Variants in ADCY10 observed in about 807,000 individuals in gnomAD.
ADCY10 encodes adenylate cyclase type 10.
ADCY10 carries 156 observed loss-of-function variants against 183.3 expected under a neutral mutation model. That is an observed-to-expected ratio of 0.85 (90% confidence interval 0.75 to 0.97). The LOEUF is 0.97. Among genes scored for constraint, ADCY10 ranks in the 50% least tolerant of loss-of-function variants. ADCY10 has a pLI of 0.00. For synonymous variants in ADCY10, 645 were observed against 670.0 expected (o/e 0.96, Z 0.58); for missense variants, 1,745 against 1,934.3 (o/e 0.90, Z 1.84).
At chr1:167,851,658 T>C (rs1475503305) in intron 18 of ADCY10, among the ~76,000 whole-genome samples, 1 of 151,764 alleles carries the variant, frequency 6.6e-6, no homozygotes, top group Non-Finnish European at 1.5e-5. Context: ...CCGTCTCTAC[T>C]AAAAATGCAA....
intron 8 of ADCY10, among the ~76,000 whole-genome samples, chr1:167,892,389 T>A (rs971622044): frequency 2.6e-5 from 4 of 152,200 alleles, no homozygotes; most frequent in African/African-American, 9.7e-5. Context: ...GGGTTCAGGG[T>A]CTGGTTTTGG....
chr1:167,866,530 CAA>C (rs57450280), intron 14 of ADCY10, among the ~76,000 whole-genome samples: 8 of 110,770 alleles, frequency 7.2e-5, no homozygotes, highest in South Asian at 2.9e-4. Flanking sequence ...CTCTATGTGC[CAA>C]AAAAAAAAAA....
rs1662631933 is a variant in ADCY10 at position 167,818,015 on chromosome 1, TAGAC to T, written c.4482+53_4482+56del. 58 of 1,502,490 alleles carry T rather than the reference TAGAC, an allele frequency of 3.9e-5. 2 individuals are homozygous for T. The South Asian group carries it at 6.4e-4, about 16-fold the overall frequency. 93.1% of individuals were successfully genotyped at this position (1,502,490 alleles called of 1,614,324 possible). A position where few individuals can be genotyped will look rare whatever the true frequency, so the allele number is the denominator to read the frequency against. On this transcript the variant is annotated intron_variant, in intron 31 of 32. Transcript: ENST00000367851. Reference sequence around the variant, plus strand: ...ATGAGAAAATAATTAGCACAGGAAGTAGACAGAGATCCATTTAAGGCATATTTTA... The same window carrying T: ...ATGAGAAAATAATTAGCACAGGAAGTAGAGATCCATTTAAGGCATATTTTA...
intron 9 of ADCY10, among the ~76,000 whole-genome samples, chr1:167,881,808 C>G (rs773346453): frequency 6.6e-6 from 1 of 152,162 alleles, no homozygotes; most frequent in African/African-American, 2.4e-5. Flanking sequence ...CTGCAAGACA[C>G]GAAAGACTGT....
At chr1:167,900,764 T>A (rs1488434208) in intron 5 of ADCY10, among the ~76,000 whole-genome samples, 1 of 152,196 alleles carries the variant, frequency 6.6e-6, no homozygotes, top group South Asian at 2.1e-4. Flanking sequence ...ACTCCTGACC[T>A]CAGGTGATCC....
At chr1:167,816,877 TGAA>T (rs1237459210) in intron 31 of ADCY10, among the ~76,000 whole-genome samples, 2 of 152,268 alleles carry the variant, frequency 1.3e-5, no homozygotes, top group East Asian at 3.9e-4. Context: ...AAGAAAGCAT[TGAA>T]GAAGGAGTAA....
At chr1:167,866,768 A>C (rs2102108934) in intron 14 of ADCY10, among the ~76,000 whole-genome samples, 1 of 150,460 alleles carries the variant, frequency 6.6e-6, no homozygotes, top group Non-Finnish European at 1.5e-5. Flanking sequence ...AAAAAAAAAG[A>C]ATGGTTATCT....
chr1:167,841,261 G>C (rs184295844), intron 21 of ADCY10, among the ~76,000 whole-genome samples: 1 of 152,120 alleles, frequency 6.6e-6, no homozygotes, highest in East Asian at 1.9e-4. Context: ...ATCTCTAAAA[G>C]TATAAATTCA....
chr1:167,871,461 T>C (rs1222955403), intron 13 of ADCY10, among the ~76,000 whole-genome samples: 3 of 152,250 alleles, frequency 2.0e-5, no homozygotes, highest in Admixed American at 6.5e-5. Context: ...TTACAACCCT[T>C]ATTTTTCTTG....
At chr1:167,899,671 A>G in intron 5 of ADCY10, 43 bp from the exon 6 acceptor site, 2 of 1,589,974 alleles carry the variant, frequency 1.3e-6, no homozygotes, top group South Asian at 2.2e-5. Flanking sequence ...GAAGTTCTGG[A>G]TTATTTCCCA....
rs186677928 is a variant in ADCY10 at position 167,880,086 on chromosome 1, A to C, written c.1216+29T>G. On this transcript the variant is annotated intron_variant, in intron 11 of 32. Coordinates refer to ENST00000367851, the MANE Select transcript of ADCY10 (RefSeq NM_018417.6). ...GGCAAGGTGCTGTGTTTGCAGAAAG[A>C]AAGCTGGAGATGAGCTGACCCAGCA... 14 of 1,597,028 alleles carry C rather than the reference A, an allele frequency of 8.8e-6. No homozygotes were observed. In the East Asian group the frequency reaches 2.2e-4, roughly 25 times the overall value.
intron 8 of ADCY10, among the ~76,000 whole-genome samples, chr1:167,892,016 A>T (rs1668632206): frequency 1.3e-5 from 2 of 150,038 alleles, no homozygotes; most frequent in African/African-American, 4.9e-5. Context: ...CTCTGTCCCC[A>T]AGGCTGGAGT....
chr1:167,874,713 C>T (rs1299473993), intron 13 of ADCY10, among the ~76,000 whole-genome samples: 1 of 152,006 alleles, frequency 6.6e-6, no homozygotes, highest in Non-Finnish European at 1.5e-5. Flanking sequence ...TGGAAATAAC[C>T]CAAATGTTGC....
intron 3 of ADCY10, among the ~76,000 whole-genome samples, chr1:167,903,509 A>G (rs1425979042): frequency 6.6e-6 from 1 of 152,130 alleles, no homozygotes; most frequent in Non-Finnish European, 1.5e-5. Context: ...GGTTGCAGTG[A>G]GCCAAGATTG....
At chr1:167,868,652 A>G (rs1666868747) in intron 14 of ADCY10, among the ~76,000 whole-genome samples, 1 of 152,180 alleles carries the variant, frequency 6.6e-6, no homozygotes, top group East Asian at 1.9e-4. Flanking sequence ...TATTGGCACT[A>G]TTAAACCATC....
rs931971280 is a variant in ADCY10, at chr1:167,899,571, A to G, written c.494T>C (p.Phe165Ser). The G allele has an allele frequency of 6.2e-7, 1 of 1,614,100 alleles. No homozygotes were observed. Among genetic ancestry groups the G allele is most frequent in the Non-Finnish European group, 8.5e-7 (1 of 1,180,046 alleles). Residue 165 changes from phenylalanine to serine, a missense_variant, in exon 6 of 33, where the codon TTT becomes TCT. Transcript: ENST00000367851. ...GTCCACTGCCTGACCAATCACCAGA[A>G]AGTGGCTGTGTGTTTCATCTCCAAA... is the stretch of plus-strand genomic sequence containing the variant. Reference protein sequence around the residue: ...LVFGDETHSHFLVIGQAVDDV... With the variant: ...LVFGDETHSHSLVIGQAVDDV...
intron 31 of ADCY10, among the ~76,000 whole-genome samples, chr1:167,814,450 T>C (rs1662396752): frequency 6.6e-6 from 1 of 151,580 alleles, no homozygotes; most frequent in Non-Finnish European, 1.5e-5. Context: ...ATAATTATAT[T>C]TTTAAAATAA....
intron 14 of ADCY10, among the ~76,000 whole-genome samples, chr1:167,863,057 T>C (rs776018898): frequency 1.9e-4 from 29 of 152,340 alleles, no homozygotes; most frequent in Non-Finnish European, 4.4e-5. Context: ...TCTCCAGTCT[T>C]AGGACTAAAT....
Position 167,883,434 on chromosome 1 carries a change from T to TA in ADCY10, c.1020+2dup, listed in dbSNP as rs1668005577. The TA allele has an allele frequency of 3.7e-6, 6 of 1,614,172 alleles. No homozygotes were observed. The African/African-American group carries it at 8.0e-5, about 22-fold the overall frequency. The stretch of plus-strand genomic sequence containing the variant: ...AGGTTCCCATCCCATAGTTCACACT[T>TA]ACCTTGTCAAACATGAAGACTTTAT... On this transcript the variant is annotated splice_region_variant and intron_variant, in intron 9 of 32. Coordinates refer to ENST00000367851, the MANE Select transcript of ADCY10 (RefSeq NM_018417.6).
Sources: allele counts gnomAD v4.1 joint callset (sites outside exome capture counted in the v4.1 genomes callset), GRCh38; gene constraint gnomAD v4.1.1; transcripts MANE v1.5; gene names NCBI Gene and HGNC (gene_info 2026-07-23, HGNC 2026-07-21).